The following ARID1B variants were observed in gnomAD, a reference collection of about 807,000 sequenced individuals.
The protein encoded by ARID1B is AT-rich interaction domain 1B.
A neutral mutation model predicts 212.3 loss-of-function variants in ARID1B; 30 were observed. The ratio of observed to expected loss-of-function variants is 0.14; its 90% CI spans 0.11 to 0.19. ARID1B has a LOEUF of 0.19. Ranked by LOEUF, ARID1B falls within the 10% of genes least tolerant of loss-of-function variation. The pLI is 1.00. For missense variants in ARID1B, 2,891 were observed against 3,204.0 expected (o/e 0.90, Z 2.36); for synonymous variants, 1,402 against 1,301.7 (o/e 1.08, Z -1.66).
intron 4 of ARID1B, among the ~76,000 whole-genome samples, chr6:157,084,154 A>C (rs1014508907): frequency 2.7e-5 from 4 of 149,660 alleles, no homozygotes; most frequent in Non-Finnish European, 4.5e-5. Context: ...AAAAAAAAAA[A>C]AACTTTCTCA....
chr6:156,876,394 T>G (rs1487646396), intron 2 of ARID1B, among the ~76,000 whole-genome samples: 1 of 152,210 alleles, frequency 6.6e-6, no homozygotes, highest in African/African-American at 2.4e-5. Context: ...TAGGCTCAGC[T>G]GTCTCGTCCT....
At chr6:156,896,184 CT>C (rs1788368693) in intron 2 of ARID1B, among the ~76,000 whole-genome samples, 1 of 152,152 alleles carries the variant, frequency 6.6e-6, no homozygotes, top group African/African-American at 2.4e-5. Flanking sequence ...ATTGAATATC[CT>C]TCCTGGAACA....
At chr6:157,055,641 G>A (rs1221906164) in intron 4 of ARID1B, among the ~76,000 whole-genome samples, 1 of 152,178 alleles carries the variant, frequency 6.6e-6, no homozygotes, top group East Asian at 1.9e-4. Context: ...CTGTTGCTGA[G>A]TAACACATTA....
chr6:157,117,147 A>AGATG (rs2128538106), intron 6 of ARID1B, among the ~76,000 whole-genome samples: 1 of 152,322 alleles, frequency 6.6e-6, no homozygotes, highest in African/African-American at 2.4e-5. Flanking sequence ...AGTGTGTAGC[A>AGATG]GATGGGGCAT....
At chr6:157,058,266 C>CTT (rs767176770) in intron 4 of ARID1B, among the ~76,000 whole-genome samples, 51 of 137,406 alleles carry the variant, frequency 3.7e-4, no homozygotes, top group African/African-American at 1.2e-3. Flanking sequence ...TTATCTTGGT[C>CTT]TTTTTTTTTT....
intron 4 of ARID1B, among the ~76,000 whole-genome samples, chr6:156,989,193 T>TTTGC (rs1231302758): frequency 8.5e-5 from 13 of 152,358 alleles, no homozygotes; most frequent in Admixed American, 7.2e-4. Context: ...CCCTGGTTGC[T>TTTGC]TTGCGAAACC....
intron 5 of ARID1B, among the ~76,000 whole-genome samples, chr6:157,085,206 G>A (rs974193374): frequency 1.3e-5 from 2 of 152,174 alleles, no homozygotes; most frequent in African/African-American, 4.8e-5. Flanking sequence ...TAATGATTCT[G>A]TTACATCAGA....
intron 2 of ARID1B, among the ~76,000 whole-genome samples, chr6:156,858,095 A>C (rs1583170324): frequency 6.6e-6 from 1 of 152,302 alleles, no homozygotes; most frequent in East Asian, 1.9e-4. Flanking sequence ...AAACTGGAGG[A>C]CATTATGTTA....
chr6:157,188,189 C>G (rs1457608910), intron 13 of ARID1B, among the ~76,000 whole-genome samples: 1 of 151,812 alleles, frequency 6.6e-6, no homozygotes, highest in Non-Finnish European at 1.5e-5. Flanking sequence ...GCACATGTAC[C>G]CCTCAACTTA....
chr6:157,062,363 A>C (rs765389750), intron 4 of ARID1B, among the ~76,000 whole-genome samples: 76 of 151,612 alleles, frequency 5.0e-4, no homozygotes, highest in Non-Finnish European at 9.3e-4. Flanking sequence ...TGCCCAGCTA[A>C]TTTTTTTCAT....
intron 2 of ARID1B, among the ~76,000 whole-genome samples, chr6:156,830,156 G>C (rs1417805601): frequency 3.3e-5 from 5 of 152,182 alleles, no homozygotes; most frequent in Non-Finnish European, 1.5e-5. Flanking sequence ...GCTGGAGGGA[G>C]GATGAAATTT....
chr6:156,991,733 T>C (rs1778288138), intron 4 of ARID1B, among the ~76,000 whole-genome samples: 1 of 152,254 alleles, frequency 6.6e-6, no homozygotes, highest in Non-Finnish European at 1.5e-5. Context: ...TAGTATGTTT[T>C]CATACACATA....
At chr6:156,945,550 T>C (rs1460366688) in intron 4 of ARID1B, among the ~76,000 whole-genome samples, 2 of 151,866 alleles carry the variant, frequency 1.3e-5, no homozygotes, top group Admixed American at 1.3e-4. Context: ...TCTCCCTGAG[T>C]CTTTCTTTTC....
chr6:156,872,105 A>C (rs945213743), intron 2 of ARID1B, among the ~76,000 whole-genome samples: 5 of 152,234 alleles, frequency 3.3e-5, no homozygotes, highest in Admixed American at 3.3e-4. Flanking sequence ...GACTGGATTT[A>C]AGCAACAGCC....
chr6:157,025,024 C>T (rs1266560935), intron 4 of ARID1B, among the ~76,000 whole-genome samples: 1 of 152,124 alleles, frequency 6.6e-6, no homozygotes, highest in African/African-American at 2.4e-5. Flanking sequence ...TTCATTTGCT[C>T]GTTTTCATGT....
chr6:157,038,096 T>A (rs964335382), intron 4 of ARID1B, among the ~76,000 whole-genome samples: 2 of 152,240 alleles, frequency 1.3e-5, no homozygotes, highest in Non-Finnish European at 2.9e-5. Context: ...TTTGTACATA[T>A]TTGGTGATAA....
At position 156,905,250 on chromosome 6, in the gene ARID1B, G is replaced by GCACACACACACACACACACACACACA. The variant is rs138326649; in HGVS notation, c.2136+3732_2136+3757dup. Reference sequence around the variant, plus strand: ...GAATCAATTGTGCTCACATATGCACGCACACACACACACACACACACACAC... The same window carrying GCACACACACACACACACACACACACA: ...GAATCAATTGTGCTCACATATGCACGCACACACACACACACACACACACACACACACACACACACACACACACACAC... On this transcript the variant is annotated intron_variant, in intron 3 of 19. Coordinates refer to ENST00000636930, the MANE Select transcript of ARID1B (RefSeq NM_001374828.1). Among the ~76,000 whole-genome samples, 46 of 143,830 alleles carry GCACACACACACACACACACACACACA rather than the reference G, an allele frequency of 3.2e-4. 1 individual carries two copies. In the East Asian group the frequency reaches 5.1e-3, roughly 16 times the overall value. 94.4% of individuals were successfully genotyped at this position (143,830 alleles called of 152,430 possible). A position where few individuals can be genotyped will look rare whatever the true frequency, so the allele number is the denominator to read the frequency against.
In ARID1B at chr6:157,062,755, A is replaced by G. The variant is rs572082385; in HGVS notation, c.2248-21907A>G. Among the ~76,000 whole-genome samples, 8 of 150,266 alleles carry G rather than the reference A, an allele frequency of 5.3e-5. No individual in the cohort carries two copies. In the East Asian group the frequency reaches 1.6e-3, roughly 29 times the overall value. ...TTTTGTTTTTGTTGCCCAAGCTGGA[A>G]TGCAATGACGCGATCTCAGCTCACT... On this transcript the variant is annotated intron_variant, in intron 4 of 19. Transcript: ENST00000636930.
chr6:157,088,087 G>C, intron 5 of ARID1B, among the ~76,000 whole-genome samples: 1 of 152,216 alleles, frequency 6.6e-6, no homozygotes, highest in East Asian at 1.9e-4. Flanking sequence ...GGCCACATCA[G>C]CTAACTGTGA....
Sources: allele counts gnomAD v4.1 joint callset (sites outside exome capture counted in the v4.1 genomes callset), GRCh38; gene constraint gnomAD v4.1.1; transcripts MANE v1.5; gene names NCBI Gene and HGNC (gene_info 2026-07-23, HGNC 2026-07-21).